The following MACROD2 variants were observed in gnomAD, a reference collection of about 807,000 sequenced individuals.
MACROD2 encodes mono-ADP ribosylhydrolase 2, also known as ADP-ribose glycohydrolase MACROD2.
MACROD2 carries 36 observed loss-of-function variants against 70.4 expected under a neutral mutation model. That is an observed-to-expected ratio of 0.51 (90% confidence interval 0.39 to 0.68). MACROD2 has a LOEUF of 0.68. Ranked by LOEUF, MACROD2 falls within the 30% of genes least tolerant of loss-of-function variation. The pLI is 0.00. For synonymous variants in MACROD2, 172 were observed against 178.8 expected (o/e 0.96, Z 0.30); for missense variants, 496 against 538.4 (o/e 0.92, Z 0.78).
chr20:15,454,450 C>CACACACACAT (rs57871891), intron 7 of MACROD2, among the ~76,000 whole-genome samples: 2 of 134,412 alleles, frequency 1.5e-5, no homozygotes, highest in African/African-American at 5.3e-5. Flanking sequence ...CACACACACA[C>CACACACACAT]ACACCCTTAT....
rs2067440092 is a variant in MACROD2, at chr20:16,050,104, C to T, written c.*228C>T. 7 of 425,360 alleles carry T rather than the reference C, an allele frequency of 1.6e-5. No homozygotes were observed. The highest frequency in any genetic ancestry group is 6.2e-5 in the South Asian group (2 of 32,176). 26.3% of individuals were successfully genotyped at this position (425,360 alleles called of 1,614,324 possible). On this transcript the variant is annotated 3_prime_UTR_variant, in exon 18 of 18. Coordinates refer to ENST00000684519, the MANE Select transcript of MACROD2 (RefSeq NM_001351661.2). ...AATTTGGTGGAGGGACCCATGTTGA[C>T]GCATCTTTCAGGCATTATCCTTGTA...
At position 15,530,558 on chromosome 20, in the gene MACROD2, C is replaced by T. The variant is rs145247465; in HGVS notation, c.645+30711C>T. On this transcript the variant is annotated intron_variant, in intron 8 of 17. Coordinates refer to ENST00000684519, the MANE Select transcript of MACROD2 (RefSeq NM_001351661.2). ...CCATCCTGGCTAACACGGTGAAAAC[C>T]CGTCTCTACTAAAAATACAAAAAAT... Among the ~76,000 whole-genome samples, 800 of 151,834 alleles carry T rather than the reference C, an allele frequency of 5.3e-3. 12 individuals are homozygous for T. The highest frequency in any genetic ancestry group is 0.019 in the African/African-American group (766 of 41,380).
chr20:15,513,666 C>T (rs144996001), intron 8 of MACROD2, among the ~76,000 whole-genome samples: 86 of 152,198 alleles, frequency 5.7e-4, no homozygotes, highest in Middle Eastern at 3.4e-3. Flanking sequence ...ATATTGAATC[C>T]AAGAGACCTC....
intron 6 of MACROD2, among the ~76,000 whole-genome samples, chr20:15,271,863 C>T (rs2077349329): frequency 6.6e-6 from 1 of 152,198 alleles, no homozygotes; most frequent in East Asian, 1.9e-4. Context: ...AATAAACAGG[C>T]TCTTGTTAAC....
chr20:15,314,279 G>GA (rs747634672), intron 6 of MACROD2, among the ~76,000 whole-genome samples: 23 of 146,132 alleles, frequency 1.6e-4, no homozygotes, highest in South Asian at 8.7e-4. Context: ...AATCGAAAAA[G>GA]AAAAAAAAAA....
At chr20:15,048,766 T>G (rs1447001145) in intron 5 of MACROD2, among the ~76,000 whole-genome samples, 1 of 152,108 alleles carries the variant, frequency 6.6e-6, no homozygotes, top group Non-Finnish European at 1.5e-5. Context: ...GAAGGATAAA[T>G]GTATAAGAAA....
At chr20:14,290,136 C>A (rs1003039524) in intron 3 of MACROD2, among the ~76,000 whole-genome samples, 1 of 152,096 alleles carries the variant, frequency 6.6e-6, no homozygotes, top group African/African-American at 2.4e-5. Context: ...TTTTCTAGTG[C>A]TGTATGTATA....
intron 6 of MACROD2, among the ~76,000 whole-genome samples, chr20:15,406,212 T>C (rs1294716804): frequency 6.6e-6 from 1 of 152,192 alleles, no homozygotes; most frequent in African/African-American, 2.4e-5. Context: ...TCACCTGCAA[T>C]GCAAAGTGAG....
chr20:15,076,239 A>G (rs2075657300), intron 5 of MACROD2, among the ~76,000 whole-genome samples: 1 of 152,148 alleles, frequency 6.6e-6, no homozygotes, highest in Non-Finnish European at 1.5e-5. Flanking sequence ...ATGGCTGCAT[A>G]TCTTTCCATT....
At chr20:15,559,400 G>C (rs1038124196) in intron 8 of MACROD2, among the ~76,000 whole-genome samples, 1 of 152,168 alleles carries the variant, frequency 6.6e-6, no homozygotes, top group Non-Finnish European at 1.5e-5. Flanking sequence ...ACAAATGTTA[G>C]TTGAGTAAAA....
intron 5 of MACROD2, among the ~76,000 whole-genome samples, chr20:14,766,392 A>C (rs2072089948): frequency 6.6e-6 from 1 of 152,144 alleles, no homozygotes; most frequent in African/African-American, 2.4e-5. Context: ...TCCCAGTGAT[A>C]GTGCTGGAAG....
intron 5 of MACROD2, among the ~76,000 whole-genome samples, chr20:15,206,844 C>G (rs1309989554): frequency 6.7e-6 from 1 of 148,680 alleles, no homozygotes; most frequent in Non-Finnish European, 1.5e-5. Flanking sequence ...TCACGCCATT[C>G]TCCTGCCTCA....
intron 4 of MACROD2, among the ~76,000 whole-genome samples, chr20:14,567,928 ATAGT>A (rs1398127108): frequency 2.0e-5 from 3 of 152,102 alleles, no homozygotes; most frequent in Non-Finnish European, 4.4e-5. Flanking sequence ...TATGCATTAT[ATAGT>A]TAAACACTGG....
intron 5 of MACROD2, among the ~76,000 whole-genome samples, chr20:14,765,742 G>T (rs1324724666): frequency 6.6e-6 from 1 of 152,074 alleles, no homozygotes; most frequent in Non-Finnish European, 1.5e-5. Context: ...AACAGGCCTT[G>T]TTCTGGATGA....
intron 6 of MACROD2, among the ~76,000 whole-genome samples, chr20:15,298,239 G>A (rs1386820951): frequency 2.0e-5 from 3 of 152,204 alleles, no homozygotes; most frequent in Admixed American, 6.5e-5. Flanking sequence ...AACAGGGGTT[G>A]TGTGAAGATC....
intron 4 of MACROD2, among the ~76,000 whole-genome samples, chr20:14,630,505 A>G (rs910842738): frequency 1.9e-4 from 29 of 152,242 alleles, no homozygotes; most frequent in African/African-American, 6.8e-4. Flanking sequence ...CTAAAAATTC[A>G]TGTAACTCTT....
At chr20:14,353,784 A>G (rs1248159603) in intron 3 of MACROD2, among the ~76,000 whole-genome samples, 1 of 152,160 alleles carries the variant, frequency 6.6e-6, no homozygotes, top group East Asian at 1.9e-4. Context: ...TGTTAGCTAC[A>G]TTCTTTCATG....
intron 2 of MACROD2, among the ~76,000 whole-genome samples, chr20:14,057,209 T>C (rs1301114591): frequency 1.3e-5 from 2 of 152,138 alleles, no homozygotes; most frequent in Admixed American, 1.3e-4. Context: ...CTTTATAATC[T>C]TGAAGTAGGA....
At chr20:14,301,026 C>T (rs1601450946) in intron 3 of MACROD2, among the ~76,000 whole-genome samples, 2 of 152,150 alleles carry the variant, frequency 1.3e-5, no homozygotes, top group South Asian at 4.1e-4. Flanking sequence ...AGACTTTTTA[C>T]CTATTAATGT....
Sources: allele counts gnomAD v4.1 joint callset (sites outside exome capture counted in the v4.1 genomes callset), GRCh38; gene constraint gnomAD v4.1.1; transcripts MANE v1.5; gene names NCBI Gene and HGNC (gene_info 2026-07-23, HGNC 2026-07-21).